The following CHGA variants were observed in gnomAD, a reference collection of about 807,000 sequenced individuals.
CHGA encodes the protein chromogranin A, also known as chromogranin-A.
A neutral mutation model predicts 54.4 loss-of-function variants in CHGA; 41 were observed. That is an observed-to-expected ratio of 0.75 (90% CI 0.59 to 0.98). The LOEUF (loss-of-function observed/expected upper bound fraction) is 0.98, where lower values mean the gene tolerates loss of function less well. Ranked by LOEUF, CHGA falls within the 50% of genes least tolerant of loss-of-function variation. The pLI is 0.00. For synonymous variants in CHGA, 249 were observed against 232.8 expected (o/e 1.07, Z -0.63); for missense variants, 576 against 582.3 (o/e 0.99, Z 0.11).
At position 92,928,230 on chromosome 14, in the gene CHGA, AGT is replaced by A. The variant is rs1395763081; in HGVS notation, c.256+615_256+616del. On this transcript the variant is annotated intron_variant, in intron 4 of 7. Coordinates refer to ENST00000216492, the MANE Select transcript of CHGA (RefSeq NM_001275.4). Reference sequence around the variant, plus strand: ...AGCATCTGCTTCCCAACGAAGCGAGAGTGTTTTTCAGGGCTGGGCTTGTGTCT... The same window carrying A: ...AGCATCTGCTTCCCAACGAAGCGAGAGTTTTTCAGGGCTGGGCTTGTGTCT... Among the ~76,000 whole-genome samples, 2 of 151,942 alleles carry A rather than the reference AGT, an allele frequency of 1.3e-5. 1 individual carries two copies. Among genetic ancestry groups the A allele is most frequent in the Non-Finnish European group, 2.9e-5 (2 of 68,004 alleles).
chr14:92,930,317 G>A (rs1283160902), intron 5 of CHGA, among the ~76,000 whole-genome samples: 2 of 152,260 alleles, frequency 1.3e-5, no homozygotes, highest in African/African-American at 4.8e-5. Flanking sequence ...CCTTAGGTCA[G>A]TGCGACACTC....
intron 7 of CHGA, 147 bp from the exon 8 acceptor site, chr14:92,934,654 T>C: frequency 1.5e-6 from 1 of 649,438 alleles, no homozygotes; most frequent in South Asian, 1.9e-5. Context: ...AGTAAGCTCA[T>C]TATCACTGTC....
At chr14:92,934,532 G>C (rs148249318) in intron 7 of CHGA, among the ~76,000 whole-genome samples, 1 of 152,170 alleles carries the variant, frequency 6.6e-6, no homozygotes, top group Non-Finnish European at 1.5e-5. Flanking sequence ...CCACCTGTGC[G>C]GAACCATTTG....
In CHGA at chr14:92,934,813, G is replaced by A. The variant is rs752740996; in HGVS notation, c.1303G>A (p.Glu435Lys). Residue 435 changes from glutamate to lysine, a missense_variant, in exon 8 of 8, where the codon GAG becomes AAG. By Grantham distance (56) the Glu-to-Lys change is moderately conservative. Coordinates refer to ENST00000216492, the MANE Select transcript of CHGA (RefSeq NM_001275.4). ...ANRRPEDQELESLSAIEAELE... is the reference protein window; with the variant it reads ...ANRRPEDQELKSLSAIEAELE... ...ATGTCTCTCCTAGGACCAGGAGCTG[G>A]AGAGCCTGTCGGCCATTGAAGCAGA... is the stretch of plus-strand genomic sequence containing the variant. 7 of 1,584,348 alleles carry A rather than the reference G, an allele frequency of 4.4e-6. No homozygotes were observed. The highest frequency in any genetic ancestry group is 3.3e-4 in the Middle Eastern group (2 of 6,014).
rs1334897392 is a variant in CHGA, at chr14:92,927,630, C to A, written c.256+12C>A. 2 of 1,607,212 alleles carry A rather than the reference C, an allele frequency of 1.2e-6. No homozygotes were observed. The highest frequency in any genetic ancestry group is 4.5e-5 in the East Asian group (2 of 44,810). Reference sequence around the variant, plus strand: ...CCTCGCTCTCCAAGGTATTTTCCAGCCACTGCACTTGACTCTGGGTAAATT... The same window carrying A: ...CCTCGCTCTCCAAGGTATTTTCCAGACACTGCACTTGACTCTGGGTAAATT... On this transcript the variant is annotated intron_variant, in intron 4 of 7. Transcript: ENST00000216492.
intron 4 of CHGA, 24 bp from the exon 5 acceptor site, chr14:92,929,693 T>C (rs1886955920): frequency 1.2e-6 from 2 of 1,610,340 alleles, no homozygotes; most frequent in Non-Finnish European, 1.7e-6. Flanking sequence ...CCAATGGGAC[T>C]TTTCCCTCCT....
intron 2 of CHGA, among the ~76,000 whole-genome samples, chr14:92,925,316 T>C (rs1487117460): frequency 6.6e-6 from 1 of 152,156 alleles, no homozygotes; most frequent in Non-Finnish European, 1.5e-5. Context: ...TCCCAGAAAA[T>C]GCCCTCTCGA....
intron 2 of CHGA, 30 bp from the exon 3 acceptor site, chr14:92,926,575 C>T (rs1239919206): frequency 8.1e-6 from 13 of 1,601,028 alleles, no homozygotes; most frequent in African/African-American, 8.0e-5. Context: ...CTCAAACCAG[C>T]CCCAACCTGC....
chr14:92,923,015 AGCGAGGG>A (rs1324945418), upstream of CHGA: 2 of 202,856 alleles, frequency 9.9e-6, no homozygotes, highest in African/African-American at 4.6e-5. Flanking sequence ...GGCCAGAGGT[AGCGAGGG>A]GTGAGGTTAG....
chr14:92,925,279 C>CT (rs1886865232), intron 2 of CHGA, among the ~76,000 whole-genome samples: 1 of 152,196 alleles, frequency 6.6e-6, no homozygotes, highest in Non-Finnish European at 1.5e-5. Context: ...CCCCATCCCT[C>CT]TCCAGACCCT....
intron 1 of CHGA, among the ~76,000 whole-genome samples, chr14:92,923,832 C>T (rs1886835340): frequency 1.3e-5 from 2 of 152,054 alleles, no homozygotes; most frequent in Non-Finnish European, 2.9e-5. Flanking sequence ...CTCACAATCC[C>T]CTTCCTCCAT....
chr14:92,934,727 G>T (rs1478109311), intron 7 of CHGA, 74 bp from the exon 8 acceptor site: 8 of 1,152,826 alleles, frequency 6.9e-6, no homozygotes, highest in Non-Finnish European at 1.0e-5. Context: ...AGCTAACCCA[G>T]CGCCTTTCTG....
chr14:92,931,133 G>C (rs749053283), intron 5 of CHGA, 117 bp from the exon 6 acceptor site: 7 of 1,036,750 alleles, frequency 6.8e-6, no homozygotes, highest in Non-Finnish European at 5.6e-6. Flanking sequence ...TCGTTGTCCT[G>C]GGCTGGGCTC....
intron 1 of CHGA, 94 bp from the exon 2 acceptor site, chr14:92,924,105 C>A: frequency 7.2e-7 from 1 of 1,379,792 alleles, no homozygotes; most frequent in Non-Finnish European, 1.0e-6. Context: ...TGAGGGGTGG[C>A]ATTGGGTGAA....
At chr14:92,928,913 A>G (rs2051424299) in intron 4 of CHGA, among the ~76,000 whole-genome samples, 1 of 152,214 alleles carries the variant, frequency 6.6e-6, no homozygotes, top group African/African-American at 2.4e-5. Context: ...ACAAGCACCC[A>G]ACTCTTGGAG....
At chr14:92,930,479 C>T (rs1198186373) in intron 5 of CHGA, among the ~76,000 whole-genome samples, 1 of 152,204 alleles carries the variant, frequency 6.6e-6, no homozygotes, top group East Asian at 1.9e-4. Flanking sequence ...CAAGTGAAGC[C>T]CAGGTGCCCC....
At chr14:92,928,912 C>T (rs1247381100) in intron 4 of CHGA, among the ~76,000 whole-genome samples, 2 of 152,200 alleles carry the variant, frequency 1.3e-5, no homozygotes, top group African/African-American at 4.8e-5. Flanking sequence ...GACAAGCACC[C>T]AACTCTTGGA....
Position 92,932,533 on chromosome 14 carries a change from G to C in CHGA, c.972G>C (p.Glu324Asp), listed in dbSNP as rs897140526. 10 of 1,554,130 alleles carry C rather than the reference G, an allele frequency of 6.4e-6. No individual in the cohort carries two copies. Among genetic ancestry groups the C allele is most frequent in the Non-Finnish European group, 8.7e-6 (10 of 1,148,676 alleles). Residue 324 changes from glutamate to aspartate, a missense_variant, in exon 7 of 8, where the codon GAG becomes GAC. Transcript: ENST00000216492. The surrounding 1 kb of genome is among the most constrained non-coding windows in gnomAD (Gnocchi z 5.3). ...TCTTCCGGGGTGGGAAGAGCGGAGA[G>C]CTGGAGCAGGAGGAGGAGCGGCTCT... is the stretch of plus-strand genomic sequence containing the variant. ...QGLFRGGKSG[E>D]LEQEEERLSK...
chr14:92,934,726 A>AG (rs1887082251), intron 7 of CHGA, 75 bp from the exon 8 acceptor site: 6 of 1,135,296 alleles, frequency 5.3e-6, no homozygotes, highest in Non-Finnish European at 7.7e-6. Flanking sequence ...CAGCTAACCC[A>AG]GCGCCTTTCT....
Sources: gnomAD v4.1 joint callset for allele counts (sites outside exome capture counted in the v4.1 genomes callset) on GRCh38, gnomAD v4.1.1 for gene constraint, Gnocchi (gnomAD v3.1) non-coding constraint, MANE v1.5 for transcripts, NCBI Gene and HGNC (gene_info 2026-07-23, HGNC 2026-07-21) for gene names.